Variants in HIVEP3 observed in about 807,000 individuals in gnomAD.
HIVEP3 encodes transcription factor HIVEP3.
HIVEP3 carries 49 observed loss-of-function variants against 152.8 expected under a neutral mutation model. The ratio of observed to expected loss-of-function variants is 0.32; its 90% confidence interval spans 0.26 to 0.41. The LOEUF (loss-of-function observed/expected upper bound fraction) is 0.41, where lower values mean the gene tolerates loss of function less well. Ranked by LOEUF, HIVEP3 falls within the 10% of genes least tolerant of loss-of-function variation. The pLI, the probability that HIVEP3 is intolerant of heterozygous loss-of-function variation, is 1.00. For synonymous variants in HIVEP3, 1,269 were observed against 1,289.0 expected (o/e 0.98, Z 0.33); for missense variants, 2,790 against 3,103.3 (o/e 0.90, Z 2.40).
intron 5 of HIVEP3, among the ~76,000 whole-genome samples, chr1:41,562,597 T>TCCTTTCTCTCTCTCTCTCTC (rs763245562): frequency 2.9e-5 from 1 of 34,262 alleles, no homozygotes; most frequent in East Asian, 3.4e-4. Context: ...CTTCCTTCCT[T>TCCTTTCTCTCTCTCTCTCTC]TCTTTCTCTC....
chr1:41,838,624 G>A (rs748160282), intron 1 of HIVEP3, among the ~76,000 whole-genome samples: 1 of 152,052 alleles, frequency 6.6e-6, no homozygotes, highest in Non-Finnish European at 1.5e-5. Flanking sequence ...CATCCTCCTA[G>A]GGAGGCAGCA....
intron 5 of HIVEP3, among the ~76,000 whole-genome samples, chr1:41,531,717 G>A (rs28972799): frequency 3.3e-4 from 31 of 94,952 alleles, no homozygotes; most frequent in South Asian, 5.4e-4. Flanking sequence ...GGACAGGAGA[G>A]ATGGAAGACA....
intron 1 of HIVEP3, among the ~76,000 whole-genome samples, chr1:41,759,891 G>A (rs754866261): frequency 6.6e-6 from 1 of 152,214 alleles, no homozygotes; most frequent in Non-Finnish European, 1.5e-5. Flanking sequence ...GTGAGACTAT[G>A]GATAAAACGA....
intron 1 of HIVEP3, among the ~76,000 whole-genome samples, chr1:42,011,545 T>C (rs939310502): frequency 2.0e-5 from 3 of 152,176 alleles, no homozygotes; most frequent in Admixed American, 6.6e-5. Context: ...CCATCACCCT[T>C]CTTGTTAGGG....
At position 41,510,659 on chromosome 1, in the gene HIVEP3, G is replaced by A. The variant is rs58930436; in HGVS notation, c.7013C>T (p.Pro2338Leu). 7,698 of 1,526,972 alleles carry A rather than the reference G, an allele frequency of 5.0e-3. 330 individuals carry two copies. In the African/African-American group the frequency reaches 0.093, roughly 18 times the overall value. The allele number at this position is 1,526,972 out of a possible 1,614,324, so 94.6% of individuals were successfully genotyped here. Residue 2338 changes from proline (P) to leucine (L), a missense_variant, in exon 9 of 9, where the codon CCG becomes CTG. Physicochemically the swap from Pro to Leu is moderately conservative, Grantham distance 98. Around this residue, in one of 9 missense-constraint regions of HIVEP3, gnomAD observed 816 missense variants for 806.5 expected, o/e 1.01. Transcript: ENST00000372583. ...GGTGGCAGAAGGCTCGGGGTTGGTC[G>A]GTGCACGCGGGGACTCCAAGCGGGG... The part of the protein sequence containing the change: ...WSPRLESPRA[P>L]TNPEPSATPP...
At chr1:41,607,586 G>A (rs1489748706) in intron 3 of HIVEP3, among the ~76,000 whole-genome samples, 1 of 151,908 alleles carries the variant, frequency 6.6e-6, no homozygotes, top group Non-Finnish European at 1.5e-5. Context: ...TTTGAAATAA[G>A]CTCTTCCTTT....
In HIVEP3 at chr1:41,629,008, A is replaced by G. The variant is rs956974115; in HGVS notation, c.-720-61T>C. 3 of 1,181,968 alleles carry G rather than the reference A, an allele frequency of 2.5e-6. No homozygotes were observed. In the South Asian group the frequency reaches 1.3e-4, roughly 52 times the overall value. 73.2% of individuals were successfully genotyped at this position (1,181,968 alleles called of 1,614,324 possible). A position where few individuals can be genotyped will look rare whatever the true frequency, so the allele number is the denominator to read the frequency against. ...TTTCTTGGTCAACTTTTTTAGACAC[A>G]GAACAATCCCTGCCTGGTCCCTGGA... On this transcript the variant is annotated intron_variant, in intron 2 of 8. Coordinates refer to ENST00000372583, the MANE Select transcript of HIVEP3 (RefSeq NM_024503.5).
chr1:41,695,563 G>A (rs1333869701), intron 2 of HIVEP3, among the ~76,000 whole-genome samples: 2 of 152,162 alleles, frequency 1.3e-5, no homozygotes. Context: ...GAATCACAAG[G>A]AAAACCCCCA....
At chr1:41,551,970 T>C (rs1328781599) in intron 5 of HIVEP3, among the ~76,000 whole-genome samples, 1 of 152,192 alleles carries the variant, frequency 6.6e-6, no homozygotes, top group Non-Finnish European at 1.5e-5. Flanking sequence ...TTAATTGTGA[T>C]GTTAGGGTGT....
chr1:41,545,122 TCATCACCACTACCAC>T (rs1424864022), intron 5 of HIVEP3, among the ~76,000 whole-genome samples: 119 of 61,442 alleles, frequency 1.9e-3, no homozygotes, highest in South Asian at 0.014. Context: ...ACCACTACCA[TCATCACCACTACCAC>T]CATCACCACC....
chr1:41,512,750 G>T (rs1642467930), intron 8 of HIVEP3, 66 bp downstream of exon 8: 8 of 1,291,004 alleles, frequency 6.2e-6, no homozygotes, highest in African/African-American at 1.5e-5. Flanking sequence ...ACCCAGGAGG[G>T]TGTGAACTTG....
In HIVEP3 at chr1:41,918,112, C is replaced by T. The variant is rs896882876; in HGVS notation, c.-801+301G>A. Among the ~76,000 whole-genome samples the T allele has an allele frequency of 6.8e-6, 1 of 147,050 alleles. No homozygotes were observed. Among genetic ancestry groups the T allele is most frequent in the Non-Finnish European group, 1.5e-5 (1 of 66,392 alleles). ...GGCGCGCATAGGGTTACAGCCCCGC[C>T]GCCGCCGCCGCCGCCGCCGCCTGTG... On this transcript the variant is annotated intron_variant, in intron 1 of 8. Coordinates refer to ENST00000372583, the MANE Select transcript of HIVEP3 (RefSeq NM_024503.5). The surrounding 1 kb of genome is among the most constrained non-coding windows in gnomAD (Gnocchi z 4.3).
At chr1:41,983,146 G>A (rs1471596337) in intron 1 of HIVEP3, among the ~76,000 whole-genome samples, 1 of 152,154 alleles carries the variant, frequency 6.6e-6, no homozygotes, top group Non-Finnish European at 1.5e-5. Flanking sequence ...GGTAATGCTC[G>A]CCCACCTCAC....
intron 5 of HIVEP3, among the ~76,000 whole-genome samples, chr1:41,546,509 GC>G: frequency 6.6e-6 from 1 of 152,222 alleles, no homozygotes; most frequent in Non-Finnish European, 1.5e-5. Context: ...TAAGTGAGGA[GC>G]CCCCAGGTGT....
At chr1:41,998,790 T>C (rs983544379) in intron 1 of HIVEP3, among the ~76,000 whole-genome samples, 1 of 152,038 alleles carries the variant, frequency 6.6e-6, no homozygotes, top group African/African-American at 2.4e-5. Flanking sequence ...AAATAAGCTA[T>C]CATTATCACT....
At chr1:41,939,642 A>G (rs1252222415) in intron 1 of HIVEP3, among the ~76,000 whole-genome samples, 1 of 152,114 alleles carries the variant, frequency 6.6e-6, no homozygotes, top group Non-Finnish European at 1.5e-5. Flanking sequence ...CTTACCAGGT[A>G]TTTTCTCTGA....
chr1:42,007,635 C>T (rs541150868), intron 1 of HIVEP3, among the ~76,000 whole-genome samples: 2 of 152,248 alleles, frequency 1.3e-5, no homozygotes, highest in South Asian at 2.1e-4. Context: ...ACAGCAGAGG[C>T]GTCTGGGTGA....
intron 1 of HIVEP3, among the ~76,000 whole-genome samples, chr1:41,956,870 A>C (rs1257823024): frequency 6.6e-6 from 1 of 152,210 alleles, no homozygotes; most frequent in Non-Finnish European, 1.5e-5. Context: ...TTGCTCATTT[A>C]AATAAATCCT....
intron 3 of HIVEP3, among the ~76,000 whole-genome samples, chr1:41,593,652 C>T (rs1035514020): frequency 6.6e-6 from 1 of 152,244 alleles, no homozygotes; most frequent in Non-Finnish European, 1.5e-5. Flanking sequence ...ATTTCCCTAA[C>T]CTCCTGCCTA....
Sources: gnomAD v4.1 joint callset for allele counts (sites outside exome capture counted in the v4.1 genomes callset) on GRCh38, gnomAD v4.1.1 for gene constraint, gnomAD v4.1.1 regional missense constraint, Gnocchi (gnomAD v3.1) non-coding constraint, MANE v1.5 for transcripts, NCBI Gene and HGNC (gene_info 2026-07-23, HGNC 2026-07-21) for gene names.